Variants in DIP2C observed in about 807,000 individuals in gnomAD.
The protein encoded by DIP2C is DIP2 acetate--CoA ligase C (putative).
DIP2C carries 33 observed loss-of-function variants against 192.4 expected under a neutral mutation model. That is an observed-to-expected ratio of 0.17 (90% CI 0.13 to 0.23). The LOEUF is 0.23. DIP2C is among the 10% of genes least tolerant of loss of function. The pLI is 1.00. For synonymous variants in DIP2C, 979 were observed against 864.1 expected (o/e 1.13, Z -2.33); for missense variants, 1,537 against 2,110.1 (o/e 0.73, Z 5.32).
intron 8 of DIP2C, 105 bp from the exon 9 acceptor site, chr10:409,122 C>A: frequency 8.7e-7 from 1 of 1,151,718 alleles, no homozygotes; most frequent in Non-Finnish European, 1.2e-6. Context: ...TCCTGCGTAT[C>A]ATGGTCTGCA....
chr10:460,569 T>A (rs775082241), intron 3 of DIP2C, among the ~76,000 whole-genome samples: 11 of 152,100 alleles, frequency 7.2e-5, no homozygotes, highest in Non-Finnish European at 1.3e-4. Context: ...ATAACAAAAT[T>A]ATTTCTGGGC....
At chr10:617,167 GC>G (rs907088415) in intron 1 of DIP2C, among the ~76,000 whole-genome samples, 2 of 74,668 alleles carry the variant, frequency 2.7e-5, no homozygotes, top group African/African-American at 6.2e-5. Flanking sequence ...CTTATTTCCT[GC>G]CCCCCGCCCC....
Position 636,370 on chromosome 10 carries a change from C to T in DIP2C, c.85+53124G>A, listed in dbSNP as rs1317826361. Among the ~76,000 whole-genome samples, 3 of 152,134 alleles carry T rather than the reference C, an allele frequency of 2.0e-5. No homozygotes were observed. Among genetic ancestry groups the T allele is most frequent in the Non-Finnish European group, 4.4e-5 (3 of 68,010 alleles). ...ACAATGAGTGGCCAAGTTTTCTCCA[C>T]GTGGAGTTCCGACAACTAACATTTC... On this transcript the variant is annotated intron_variant, in intron 1 of 36. Coordinates refer to ENST00000280886, the MANE Select transcript of DIP2C (RefSeq NM_014974.3). This position sits in a 1 kb window ranked among gnomAD's most constrained non-coding sequence, Gnocchi z 4.6.
intron 35 of DIP2C, chr10:282,131 T>C (rs1340933529): frequency 2.6e-5 from 4 of 155,622 alleles, no homozygotes; most frequent in Non-Finnish European, 5.6e-5. Context: ...TAGACAGAGA[T>C]AAGTATTTTC....
intron 1 of DIP2C, among the ~76,000 whole-genome samples, chr10:642,223 G>A (rs1441787225): frequency 6.6e-6 from 1 of 152,206 alleles, no homozygotes. Context: ...AGGACTCGCT[G>A]GTGTGCTAGC....
chr10:455,338 T>C (rs1346350103), intron 3 of DIP2C, among the ~76,000 whole-genome samples: 62 of 109,428 alleles, frequency 5.7e-4, no homozygotes, highest in Middle Eastern at 6.0e-3. Context: ...CCGTGAGGAA[T>C]AAATGAGATG....
intron 4 of DIP2C, among the ~76,000 whole-genome samples, chr10:438,895 C>A (rs1206746924): frequency 6.6e-6 from 1 of 151,976 alleles, no homozygotes; most frequent in Non-Finnish European, 1.5e-5. Flanking sequence ...CATCTCAGCT[C>A]ACGGCAACCT....
chr10:372,761 A>G (rs547661882), intron 17 of DIP2C, among the ~76,000 whole-genome samples: 188 of 151,376 alleles, frequency 1.2e-3, no homozygotes, highest in Middle Eastern at 6.8e-3. Flanking sequence ...GGTGCTCCCG[A>G]CACACAGGTG....
At chr10:542,955 C>T (rs1476603768) in intron 1 of DIP2C, among the ~76,000 whole-genome samples, 1 of 152,198 alleles carries the variant, frequency 6.6e-6, no homozygotes, top group Non-Finnish European at 1.5e-5. Context: ...TTTCTAAGCC[C>T]AGCACTTTGC....
chr10:414,739 G>GTGTGTATGTATATA, intron 7 of DIP2C, among the ~76,000 whole-genome samples: 1 of 90,510 alleles, frequency 1.1e-5, no homozygotes, highest in Non-Finnish European at 2.1e-5. Flanking sequence ...GTGTGTGTGT[G>GTGTGTATGTATATA]TACATATATA....
At chr10:434,298 A>C (rs898420890) in intron 4 of DIP2C, among the ~76,000 whole-genome samples, 4 of 152,202 alleles carry the variant, frequency 2.6e-5, no homozygotes, top group African/African-American at 4.8e-5. Flanking sequence ...TTTTCTTAAC[A>C]GTCAAGGTCT....
intron 4 of DIP2C, among the ~76,000 whole-genome samples, chr10:436,142 C>G (rs1359826044): frequency 6.6e-6 from 1 of 152,186 alleles, no homozygotes. Flanking sequence ...ACTCAGCCAC[C>G]ACGTGTGGTG....
chr10:341,149 A>C, intron 29 of DIP2C, 50 bp downstream of exon 29: 1 of 1,612,294 alleles, frequency 6.2e-7, no homozygotes, highest in Middle Eastern at 1.7e-4. Context: ...AGGTCTGGAG[A>C]GGAAGGTGCA....
At chr10:293,171 T>C (rs1306993741) in intron 32 of DIP2C, among the ~76,000 whole-genome samples, 2 of 152,226 alleles carry the variant, frequency 1.3e-5, no homozygotes, top group Non-Finnish European at 2.9e-5. Context: ...CCCACACCAC[T>C]ACTCAGCACT....
At chr10:556,999 G>A (rs1588456173) in intron 1 of DIP2C, among the ~76,000 whole-genome samples, 2 of 152,316 alleles carry the variant, frequency 1.3e-5, no homozygotes, top group East Asian at 3.9e-4. Flanking sequence ...GGGCTTCTCA[G>A]ATGGCCCAGG....
intron 4 of DIP2C, among the ~76,000 whole-genome samples, chr10:428,623 T>C (rs1415907261): frequency 1.3e-5 from 2 of 152,120 alleles, no homozygotes; most frequent in African/African-American, 4.8e-5. Flanking sequence ...TGTGATTCTT[T>C]TTATACTTGT....
intron 4 of DIP2C, among the ~76,000 whole-genome samples, chr10:436,269 T>TGG (rs1458722236): frequency 2.6e-5 from 4 of 152,228 alleles, no homozygotes; most frequent in Admixed American, 1.3e-4. Context: ...TTGCACATTG[T>TGG]GGGTAACGTG....
At chr10:470,382 G>T (rs117466879) in intron 3 of DIP2C, among the ~76,000 whole-genome samples, 1,546 of 152,172 alleles carry the variant, frequency 0.01, 24 homozygotes, top group South Asian at 0.056. Context: ...CTGAAGTGTC[G>T]GTCTCCTCCA....
intron 23 of DIP2C, 108 bp downstream of exon 23, chr10:357,720 T>C (rs1959156354): frequency 1.3e-6 from 1 of 798,910 alleles, no homozygotes; most frequent in South Asian, 1.7e-5. Context: ...TCGCGGACTG[T>C]CAGGGAAGGT....
Sources: allele counts gnomAD v4.1 joint callset (sites outside exome capture counted in the v4.1 genomes callset), GRCh38; gene constraint gnomAD v4.1.1; non-coding constraint Gnocchi (gnomAD v3.1); transcripts MANE v1.5; gene names NCBI Gene and HGNC (gene_info 2026-07-23, HGNC 2026-07-21).